GSG1L: variants seen among roughly 807,000 people sequenced by gnomAD.
The protein encoded by GSG1L is germ cell-specific gene 1-like protein.
A neutral mutation model predicts 42.1 loss-of-function variants in GSG1L; 24 were observed. That is an observed-to-expected ratio of 0.57 (90% CI 0.41 to 0.80). GSG1L has a LOEUF of 0.80. Ranked by LOEUF, GSG1L falls within the 30% of genes least tolerant of loss-of-function variation. The pLI, the probability that GSG1L is intolerant of heterozygous loss-of-function variation, is 0.00. For missense variants in GSG1L, 445 were observed against 472.2 expected, an observed-to-expected ratio of 0.94 and a Z score of 0.53; for synonymous variants, 215 against 203.5, an observed-to-expected ratio of 1.06 and a Z score of -0.48.
intron 2 of GSG1L, among the ~76,000 whole-genome samples, chr16:27,894,978 G>C (rs2084174678): frequency 1.3e-5 from 2 of 152,106 alleles, no homozygotes. Flanking sequence ...ACCAACAGAT[G>C]GTGGCTCCAC....
intron 4 of GSG1L, among the ~76,000 whole-genome samples, chr16:27,837,694 C>T (rs1160888296): frequency 6.6e-6 from 1 of 152,224 alleles, no homozygotes; most frequent in Admixed American, 6.5e-5. Context: ...CAAAATCTAA[C>T]CACTCATTCC....
chr16:27,923,747 AGG>A (rs35869515), intron 2 of GSG1L, among the ~76,000 whole-genome samples: 3,510 of 66,072 alleles, frequency 0.053, 128 homozygotes, highest in African/African-American at 0.16. Context: ...AAAAAAAAAA[AGG>A]AAGAAAGAAA....
intron 1 of GSG1L, among the ~76,000 whole-genome samples, chr16:28,027,095 TG>T (rs2085908562): frequency 6.6e-6 from 1 of 151,966 alleles, no homozygotes; most frequent in Non-Finnish European, 1.5e-5. Context: ...ACAGCAGTGG[TG>T]GAGGGGGGAA....
intron 3 of GSG1L, among the ~76,000 whole-genome samples, chr16:27,883,394 T>C (rs1404164409): frequency 6.6e-6 from 1 of 152,144 alleles, no homozygotes; most frequent in African/African-American, 2.4e-5. Flanking sequence ...GTGACAATTG[T>C]TCTATTTTTC....
chr16:27,820,997 C>A (rs1009451481), intron 5 of GSG1L, among the ~76,000 whole-genome samples: 2 of 152,186 alleles, frequency 1.3e-5, no homozygotes, highest in African/African-American at 4.8e-5. Flanking sequence ...GCCTTCCTCA[C>A]CCACTGCCGA....
rs1284207919 is a variant in GSG1L, at chr16:28,063,284, G to T, written c.141C>A (p.Gly47=). ...CCGAGTTGGGGCAGTTGGCGCGCCC[G>T]CCCTGGCCGCAGCCCGGCTTGGGGA... is the stretch of plus-strand genomic sequence containing the variant. ...QRVPKPGCGQ[G]GRANCPNSGA... The change falls in exon 1 of 7, where the codon GGC becomes GGA. Residue 47 remains glycine, a synonymous_variant. Transcript: ENST00000447459. The surrounding 1 kb of genome is among the most constrained non-coding windows in gnomAD (Gnocchi z 5.8). The T allele has an allele frequency of 7.3e-7, 1 of 1,373,704 alleles. No homozygotes were observed. The highest frequency in any genetic ancestry group is 9.5e-7 in the Non-Finnish European group (1 of 1,054,392). 85.1% of individuals were successfully genotyped at this position (1,373,704 alleles called of 1,614,324 possible). A position where few individuals can be genotyped will look rare whatever the true frequency, so the allele number is the denominator to read the frequency against.
chr16:28,052,054 G>T (rs181742525), intron 1 of GSG1L, among the ~76,000 whole-genome samples: 3 of 152,236 alleles, frequency 2.0e-5, no homozygotes, highest in Non-Finnish European at 4.4e-5. Flanking sequence ...AGCAGGATTT[G>T]CCAATAGATT....
chr16:27,799,286 C>T (rs1207817059), intron 6 of GSG1L, among the ~76,000 whole-genome samples: 1 of 143,904 alleles, frequency 6.9e-6, no homozygotes, highest in Non-Finnish European at 1.5e-5. Context: ...GTAATCTCAT[C>T]ACTTTGGGAG....
At chr16:27,983,437 C>G (rs1279001593) in intron 1 of GSG1L, among the ~76,000 whole-genome samples, 1 of 152,154 alleles carries the variant, frequency 6.6e-6, no homozygotes, top group Non-Finnish European at 1.5e-5. Context: ...TAGTGCTGCC[C>G]TACACATAGG....
chr16:27,816,165 T>C (rs1359781634), intron 5 of GSG1L, among the ~76,000 whole-genome samples: 1 of 152,208 alleles, frequency 6.6e-6, no homozygotes, highest in African/African-American at 2.4e-5. Context: ...GTGGAAGGTA[T>C]GAACTACTGT....
chr16:27,821,820 C>T (rs941024094), intron 5 of GSG1L, among the ~76,000 whole-genome samples: 2 of 152,062 alleles, frequency 1.3e-5, no homozygotes, highest in African/African-American at 2.4e-5. Flanking sequence ...AGGAGAACGG[C>T]GTGAACCCAG....
At chr16:27,805,793 T>G (rs5007210) in intron 6 of GSG1L, among the ~76,000 whole-genome samples, 37,365 of 107,602 alleles carry the variant, frequency 0.35, 7,713 homozygotes, top group African/African-American at 0.4. Context: ...TGGGGGTGGG[T>G]TGGAGGGGTT....
At chr16:28,054,265 C>A (rs2086254573) in intron 1 of GSG1L, among the ~76,000 whole-genome samples, 1 of 152,236 alleles carries the variant, frequency 6.6e-6, no homozygotes. Flanking sequence ...ACCTCCATCA[C>A]CTCCCATCCC....
intron 1 of GSG1L, among the ~76,000 whole-genome samples, chr16:27,995,493 G>T (rs1480462903): frequency 1.3e-5 from 2 of 152,090 alleles, no homozygotes; most frequent in South Asian, 4.1e-4. Context: ...GGAAGTCAGG[G>T]GCAGGAAGAA....
chr16:27,803,778 T>TATATAATTAG (rs1567460289), intron 6 of GSG1L, among the ~76,000 whole-genome samples: 3 of 80,912 alleles, frequency 3.7e-5, no homozygotes, highest in African/African-American at 1.7e-4. Context: ...TATATATATA[T>TATATAATTAG]ATATATATAT....
At chr16:27,855,934 C>T (rs1289437384) in intron 3 of GSG1L, among the ~76,000 whole-genome samples, 1 of 152,086 alleles carries the variant, frequency 6.6e-6, no homozygotes. Context: ...CAGGATGTTT[C>T]AGTGCAGCCT....
chr16:27,812,643 T>C (rs948578183), intron 5 of GSG1L, among the ~76,000 whole-genome samples: 4 of 152,068 alleles, frequency 2.6e-5, no homozygotes, highest in African/African-American at 7.2e-5. Context: ...GGCTGGAATG[T>C]GCAGCCTGGG....
chr16:27,976,773 T>C (rs1353052182), intron 1 of GSG1L, among the ~76,000 whole-genome samples: 1 of 152,136 alleles, frequency 6.6e-6, no homozygotes, highest in African/African-American at 2.4e-5. Flanking sequence ...AACATCTCTC[T>C]CTCTGTTTCT....
At chr16:28,034,062 C>T (rs2085999223) in intron 1 of GSG1L, among the ~76,000 whole-genome samples, 1 of 152,070 alleles carries the variant, frequency 6.6e-6, no homozygotes, top group Non-Finnish European at 1.5e-5. Context: ...CTCATCCCAT[C>T]CCATCCCAAC....
Sources: allele counts gnomAD v4.1 joint callset (sites outside exome capture counted in the v4.1 genomes callset), GRCh38; gene constraint gnomAD v4.1.1; non-coding constraint Gnocchi (gnomAD v3.1); transcripts MANE v1.5; gene names NCBI Gene and HGNC (gene_info 2026-07-23, HGNC 2026-07-21).